The following DHRSX variants were observed in gnomAD, a reference collection of about 807,000 sequenced individuals.
DHRSX encodes dehydrogenase/reductase X-linked.
DHRSX carries 31 observed loss-of-function variants against 34.0 expected under a neutral mutation model. The observed-to-expected ratio is 0.91, with a 90% CI of 0.69 to 1.23. DHRSX has a LOEUF of 1.23. Among genes scored for constraint, DHRSX ranks in the 50% most tolerant of loss-of-function variants. The pLI, the probability that DHRSX is intolerant of heterozygous loss-of-function variation, is 0.00. For synonymous variants in DHRSX, 201 were observed against 183.8 expected (o/e 1.09, Z -0.76); for missense variants, 414 against 428.1 (o/e 0.97, Z 0.29).
intron 1 of DHRSX, among the ~76,000 whole-genome samples, chrX:2,493,176 C>T (rs1396148287): frequency 1.3e-5 from 2 of 152,178 alleles, no homozygotes; most frequent in Non-Finnish European, 2.9e-5. Flanking sequence ...TTCCACAAAA[C>T]GAGGAACCCC....
At chrX:2,398,262 AT>A (rs1216455399) in intron 3 of DHRSX, among the ~76,000 whole-genome samples, 1 of 152,160 alleles carries the variant, frequency 6.6e-6, no homozygotes, top group Non-Finnish European at 1.5e-5. Flanking sequence ...GCAGGCGGTG[AT>A]TTGGCCAGAG....
chrX:2,227,026 G>A (rs1269299614), intron 6 of DHRSX, among the ~76,000 whole-genome samples: 4 of 151,568 alleles, frequency 2.6e-5, no homozygotes, highest in Non-Finnish European at 4.4e-5. Flanking sequence ...TTTTCCCTCC[G>A]GAGGCAGCCC....
chrX:2,291,078 T>G (rs773126118), intron 4 of DHRSX, among the ~76,000 whole-genome samples: 3 of 152,234 alleles, frequency 2.0e-5, no homozygotes, highest in African/African-American at 4.8e-5. Context: ...GGGGAGATAT[T>G]GACTCCACCT....
chrX:2,293,253 G>GTTTT lies in DHRSX; in HGVS notation c.287-1654_287-1651dup, dbSNP rs778290231. On this transcript the variant is annotated intron_variant, in intron 3 of 6. Coordinates refer to ENST00000334651, the MANE Select transcript of DHRSX (RefSeq NM_145177.3). ...TGATGTGTTTGATTGTGTTAAAGCTGTTTTTTTTTTTTTTTTCCCAGAAGG... is the reference window on the plus strand; with the variant it reads ...TGATGTGTTTGATTGTGTTAAAGCTGTTTTTTTTTTTTTTTTTTTTCCCAGAAGG... 6.6e-3 allele frequency among the ~76,000 whole-genome samples: 924 copies of GTTTT among 138,986 alleles called. 12 individuals carry two copies. The highest frequency in any genetic ancestry group is 0.022 in the African/African-American group (816 of 37,188). The allele number at this position is 138,986 out of a possible 152,430, so 91.2% of individuals were successfully genotyped here. A position where few individuals can be genotyped will look rare whatever the true frequency, so the allele number is the denominator to read the frequency against.
intron 5 of DHRSX, among the ~76,000 whole-genome samples, chrX:2,248,420 G>GA (rs1371489701): frequency 1.6e-5 from 2 of 124,406 alleles, no homozygotes; most frequent in African/African-American, 5.5e-5. Flanking sequence ...GCGACAGAGC[G>GA]AGACTCTGTC....
chrX:2,237,713 T>C (rs1280763548), intron 6 of DHRSX, among the ~76,000 whole-genome samples: 2 of 151,894 alleles, frequency 1.3e-5, no homozygotes, highest in Non-Finnish European at 2.9e-5. Flanking sequence ...CCATGTTGGT[T>C]AGGCTGGTCT....
intron 3 of DHRSX, among the ~76,000 whole-genome samples, chrX:2,324,990 C>T (rs896178096): frequency 7.3e-5 from 11 of 149,860 alleles, no homozygotes; most frequent in Non-Finnish European, 1.5e-4. Context: ...TGGTCAGGCT[C>T]GTCTCGAACC....
intron 5 of DHRSX, among the ~76,000 whole-genome samples, chrX:2,253,153 A>G (rs1052540821): frequency 6.6e-6 from 1 of 152,138 alleles, no homozygotes; most frequent in Admixed American, 6.5e-5. Context: ...GCGTCACTGC[A>G]CGGCCTGGGA....
intron 6 of DHRSX, among the ~76,000 whole-genome samples, chrX:2,221,633 G>C (rs1235539917): frequency 5.9e-5 from 9 of 152,176 alleles, no homozygotes; most frequent in African/African-American, 1.4e-4. Context: ...GAAACATCAG[G>C]ACATCAAAAA....
At chrX:2,382,639 CCAT>C (rs2043219006) in intron 3 of DHRSX, among the ~76,000 whole-genome samples, 1 of 9,694 alleles carries the variant, frequency 1.0e-4, no homozygotes, top group East Asian at 2.3e-3. Context: ...ACCATCATCA[CCAT>C]CACCATCATC....
intron 3 of DHRSX, among the ~76,000 whole-genome samples, chrX:2,337,637 T>C (rs1225003471): frequency 3.3e-5 from 5 of 151,950 alleles, no homozygotes; most frequent in African/African-American, 1.2e-4. Context: ...AGATGGGCCT[T>C]AAATTGGAGA....
chrX:2,444,532 C>G (rs949320841), intron 1 of DHRSX, among the ~76,000 whole-genome samples: 1 of 152,106 alleles, frequency 6.6e-6, no homozygotes, highest in Non-Finnish European at 1.5e-5. Context: ...AGCTGTTGAA[C>G]AATTACACAC....
intron 3 of DHRSX, among the ~76,000 whole-genome samples, chrX:2,406,599 C>T (rs2043558463): frequency 6.6e-6 from 1 of 151,986 alleles, no homozygotes; most frequent in Non-Finnish European, 1.5e-5. Flanking sequence ...TGCCACCACG[C>T]TCGGCTAATT....
Position 2,266,664 on chromosome X carries a change from C to A in DHRSX, c.596+76G>T, listed in dbSNP as rs2041478414. ...TCCAGCAGATGCAGGGAGCGCCACA[C>A]CGCACAGACAGAGGGAGATGAATAA... On this transcript the variant is annotated intron_variant, in intron 5 of 6. Coordinates refer to ENST00000334651, the MANE Select transcript of DHRSX (RefSeq NM_145177.3). 1.2e-5 allele frequency: 17 copies of A among 1,431,194 alleles called. No individual in the cohort carries two copies. The South Asian group carries it at 1.8e-4, about 16-fold the overall frequency. The allele number at this position is 1,431,194 out of a possible 1,614,324, so 88.7% of individuals were successfully genotyped here.
At chrX:2,297,059 G>A (rs2041943298) in intron 3 of DHRSX, among the ~76,000 whole-genome samples, 2 of 151,684 alleles carry the variant, frequency 1.3e-5, no homozygotes, top group East Asian at 3.8e-4. Context: ...GGCAGGCACT[G>A]CAAGCTGTGA....
intron 3 of DHRSX, among the ~76,000 whole-genome samples, chrX:2,348,756 C>T (rs150351308): frequency 0.012 from 1,873 of 151,586 alleles, 32 homozygotes; most frequent in African/African-American, 0.038. Context: ...TGCAGTGGCA[C>T]GATCTCGGCT....
intron 5 of DHRSX, among the ~76,000 whole-genome samples, chrX:2,259,335 T>G (rs767342296): frequency 2.1e-4 from 31 of 145,516 alleles, no homozygotes; most frequent in East Asian, 1.2e-3. Context: ...GATATAGATA[T>G]ATATAGATAT....
At chrX:2,324,946 G>GTTTT (rs777086783) in intron 3 of DHRSX, among the ~76,000 whole-genome samples, 1 of 137,898 alleles carries the variant, frequency 7.3e-6, no homozygotes, top group African/African-American at 2.8e-5. Context: ...TTTTTGTTTT[G>GTTTT]TTTTTTTTTT....
At chrX:2,468,295 C>T (rs947982190) in intron 1 of DHRSX, among the ~76,000 whole-genome samples, 1 of 151,864 alleles carries the variant, frequency 6.6e-6, no homozygotes, top group Admixed American at 6.6e-5. Context: ...GTGGACCGGG[C>T]AGGGGAAGGA....
Sources: allele counts gnomAD v4.1 joint callset (sites outside exome capture counted in the v4.1 genomes callset), GRCh38; gene constraint gnomAD v4.1.1; transcripts MANE v1.5; gene names NCBI Gene and HGNC (gene_info 2026-07-23, HGNC 2026-07-21).